PFKP: variants seen among roughly 807,000 people sequenced by gnomAD.
PFKP encodes ATP-dependent 6-phosphofructokinase, platelet type.
In PFKP, 101 loss-of-function variants were observed where a neutral mutation model predicts 94.3. The observed-to-expected ratio is 1.07, with a 90% confidence interval of 0.91 to 1.26. The LOEUF (loss-of-function observed/expected upper bound fraction) is 1.26. Ranked by LOEUF, PFKP falls within the 50% of genes most tolerant of loss-of-function variation. The pLI, the probability that PFKP is intolerant of heterozygous loss-of-function variation, is 0.00. For missense variants in PFKP, 1,145 were observed against 1,103.3 expected, an observed-to-expected ratio of 1.04 and a Z score of -0.53; for synonymous variants, 573 against 432.6, an observed-to-expected ratio of 1.32 and a Z score of -4.03.
chr10:3,115,471 AT>A (rs1836736280), intron 13 of PFKP, among the ~76,000 whole-genome samples: 7 of 10,936 alleles, frequency 6.4e-4, no homozygotes, highest in East Asian at 3.7e-3. Flanking sequence ...GTGTCCCGCC[AT>A]GGAGGACAGG....
Position 3,109,391 on chromosome 10 carries a change from C to A in PFKP, c.1000C>A (p.Leu334Ile). The A allele has an allele frequency of 1.2e-6, 2 of 1,610,696 alleles. No individual in the cohort carries two copies. Among genetic ancestry groups the A allele is most frequent in the Non-Finnish European group, 1.7e-6 (2 of 1,179,996 alleles). The change falls in exon 10 of 22, where the codon CTA becomes ATA. Residue 334 changes from leucine to isoleucine, a missense_variant. Transcript: ENST00000381125. ...RMGVEAVIAL[L>I]EATPDTPACV... ...GGGAGTGGAGGCAGTCATCGCCTTG[C>A]TAGAGGCCACCCCGGACACCCCAGC...
intron 2 of PFKP, among the ~76,000 whole-genome samples, chr10:3,098,404 G>A (rs1283582958): frequency 1.3e-5 from 2 of 152,014 alleles, no homozygotes; most frequent in Non-Finnish European, 2.9e-5. Flanking sequence ...GGCCAGGCGC[G>A]GTGGCTCACG....
intron 1 of PFKP, among the ~76,000 whole-genome samples, chr10:3,071,433 T>G (rs1051562242): frequency 2.0e-5 from 2 of 99,568 alleles, no homozygotes; most frequent in African/African-American, 2.9e-5. Flanking sequence ...GGCTGTTTTT[T>G]TTTTTTTTTT....
chr10:3,115,541 C>T lies in PFKP; in HGVS notation c.1372-1235C>T, dbSNP rs1181817707. 8.1e-5 allele frequency among the ~76,000 whole-genome samples: 12 copies of T among 148,022 alleles called. 3 individuals carry two copies. In the East Asian group the frequency reaches 2.1e-3, roughly 26 times the overall value. On this transcript the variant is annotated intron_variant, in intron 13 of 21. Coordinates refer to ENST00000381125, the MANE Select transcript of PFKP (RefSeq NM_002627.5). ...CAGCTGAGGATAGGATTGGGGATGC[C>T]AGGGTGAAGGTGTGTGTCCCTCAGC...
Position 3,118,759 on chromosome 10 carries a change from G to A in PFKP, c.1443-23G>A, listed in dbSNP as rs200885866. 709 of 1,586,884 alleles carry A rather than the reference G, an allele frequency of 4.5e-4. 1 individual carries two copies. The African/African-American group carries it at 7.6e-3, about 17-fold the overall frequency. ...CGTGGAGTTTGGGGTGTCTGACATC[G>A]TTCTCCACGTGGCTATTTTCAGCGT... On this transcript the variant is annotated intron_variant, in intron 14 of 21. Coordinates refer to ENST00000381125, the MANE Select transcript of PFKP (RefSeq NM_002627.5).
chr10:3,076,625 G>A (rs1832619224), intron 1 of PFKP, among the ~76,000 whole-genome samples: 1 of 152,034 alleles, frequency 6.6e-6, no homozygotes, highest in Non-Finnish European at 1.5e-5. Flanking sequence ...TTTGTTCACT[G>A]TGTTTCTTGC....
chr10:3,127,820 T>C (rs1448811723), intron 16 of PFKP, among the ~76,000 whole-genome samples: 1 of 152,254 alleles, frequency 6.6e-6, no homozygotes, highest in Non-Finnish European at 1.5e-5. Context: ...CAGTTTTGAA[T>C]ACATCAACCA....
rs570774101 is a variant in PFKP, at chr10:3,091,589, T to C, written c.187-7686T>C. 2.4e-4 allele frequency among the ~76,000 whole-genome samples: 37 copies of C among 152,278 alleles called. No individual in the cohort carries two copies. In the South Asian group the frequency reaches 7.5e-3, roughly 31 times the overall value. ...CAGTACTTTGGGAGGCTGAGGCGGA[T>C]GGATCCTTTGAGGTCAGGAGTTAAA... On this transcript the variant is annotated intron_variant, in intron 2 of 21. Coordinates refer to ENST00000381125, the MANE Select transcript of PFKP (RefSeq NM_002627.5).
At chr10:3,090,470 T>C (rs1833956128) in intron 2 of PFKP, among the ~76,000 whole-genome samples, 1 of 152,174 alleles carries the variant, frequency 6.6e-6, no homozygotes, top group Non-Finnish European at 1.5e-5. Flanking sequence ...TGCCTTTGAC[T>C]CCATGGGTGT....
intron 21 of PFKP, 145 bp from the exon 22 acceptor site, chr10:3,136,305 C>CAA (rs1839328376): frequency 1.4e-6 from 1 of 709,650 alleles, no homozygotes; most frequent in Non-Finnish European, 2.4e-6. Flanking sequence ...TTCATTTGAT[C>CAA]CTGAAATTGG....
chr10:3,136,705 GCCC>G lies in PFKP; in HGVS notation c.*128_*130del. 1.1e-6 allele frequency: 1 copy of G among 923,394 alleles called. No homozygotes were observed. The highest frequency in any genetic ancestry group is 1.6e-5 in the South Asian group (1 of 62,306). 57.2% of individuals were successfully genotyped at this position (923,394 alleles called of 1,614,324 possible). On this transcript the variant is annotated 3_prime_UTR_variant, in exon 22 of 22. Transcript: ENST00000381125. ...ATACCTAATCGGCGAGTGCCCATCT[GCCC>G]CACCTGCTCCAGTGCGTGCTGTCTG...
Position 3,089,150 on chromosome 10 carries a change from C to G in PFKP, c.186+6689C>G, listed in dbSNP as rs571210459. ...GTTTCACCATGTTGGCCAGGCTGGT[C>G]TCAAACTCCTGACCTCAGGTGATCC... On this transcript the variant is annotated intron_variant, in intron 2 of 21. Coordinates refer to ENST00000381125, the MANE Select transcript of PFKP (RefSeq NM_002627.5). Among the ~76,000 whole-genome samples the G allele has an allele frequency of 3.9e-5, 6 of 152,268 alleles. No individual in the cohort carries two copies. In the East Asian group the frequency reaches 1.2e-3, roughly 29 times the overall value.
intron 1 of PFKP, among the ~76,000 whole-genome samples, chr10:3,078,298 C>T (rs1832765604): frequency 6.6e-6 from 1 of 152,214 alleles, no homozygotes; most frequent in African/African-American, 2.4e-5. Context: ...CGTCCCTGTC[C>T]TGTGGGTGAC....
At chr10:3,099,239 A>T (rs768052720) in intron 2 of PFKP, 36 bp from the exon 3 acceptor site, 7 of 1,497,584 alleles carry the variant, frequency 4.7e-6, no homozygotes, top group Non-Finnish European at 6.5e-6. Context: ...AGTGAAGTTT[A>T]TCTCATTTTT....
intron 16 of PFKP, among the ~76,000 whole-genome samples, chr10:3,125,961 C>G (rs1045138292): frequency 3.3e-5 from 5 of 152,198 alleles, no homozygotes; most frequent in Non-Finnish European, 7.3e-5. Context: ...GACTTGGCCA[C>G]CTGGTGCGAG....
intron 14 of PFKP, among the ~76,000 whole-genome samples, chr10:3,118,264 G>T (rs958491007): frequency 6.6e-6 from 1 of 152,098 alleles, no homozygotes; most frequent in African/African-American, 2.4e-5. Flanking sequence ...GTCAAGAGAT[G>T]GAGACCATCC....
At chr10:3,069,414 C>G in intron 1 of PFKP, 1 of 1,572,042 alleles carries the variant, frequency 6.4e-7, no homozygotes, top group Non-Finnish European at 8.6e-7. Flanking sequence ...GCCTTGGGGT[C>G]GGGATAGGAC....
chr10:3,078,582 G>C (rs1288907481), intron 1 of PFKP, among the ~76,000 whole-genome samples: 1 of 152,220 alleles, frequency 6.6e-6, no homozygotes, highest in African/African-American at 2.4e-5. Context: ...TGAGGCACAG[G>C]CATTGTAATA....
At chr10:3,106,003 C>CT in intron 7 of PFKP, among the ~76,000 whole-genome samples, 1 of 152,338 alleles carries the variant, frequency 6.6e-6, no homozygotes, top group South Asian at 2.1e-4. Context: ...AGTGTGAGGC[C>CT]TTTCGGGTGC....
Sources: allele counts gnomAD v4.1 joint callset (sites outside exome capture counted in the v4.1 genomes callset), GRCh38; gene constraint gnomAD v4.1.1; transcripts MANE v1.5; gene names NCBI Gene and HGNC (gene_info 2026-07-23, HGNC 2026-07-21).